The following RSF1 variants were observed in gnomAD, a reference collection of about 807,000 sequenced individuals.
The protein encoded by RSF1 is remodeling and spacing factor 1.
Under a neutral mutation model 145.2 loss-of-function variants are expected in RSF1, and 13 were observed. The ratio of observed to expected loss-of-function variants is 0.09; its 90% CI spans 0.06 to 0.14. RSF1 has a LOEUF of 0.14. RSF1 is among the 10% of genes least tolerant of loss of function. The pLI, the probability that RSF1 is intolerant of heterozygous loss-of-function variation, is 1.00. For synonymous variants in RSF1, 577 were observed against 592.6 expected (o/e 0.97, Z 0.38); for missense variants, 1,517 against 1,718.2 (o/e 0.88, Z 2.07).
intron 4 of RSF1, chr11:77,734,736 C>G (rs1253490521): frequency 1.3e-6 from 2 of 1,489,720 alleles, no homozygotes; most frequent in Non-Finnish European, 1.9e-6. Context: ...TCACATTCAG[C>G]CCGCTCTCCC....
In RSF1 at chr11:77,760,003, T is replaced by TA. The variant is rs1242036406; in HGVS notation, c.279+4594_279+4595insT. On this transcript the variant is annotated intron_variant, in intron 2 of 15. Transcript: ENST00000308488. ...ATAAATTGCTATGGTACAGCCGCTA[T>TA]GGAAAACAGTTTGGCAGGTCCTTAA... Among the ~76,000 whole-genome samples, 3 of 152,312 alleles carry TA rather than the reference T, an allele frequency of 2.0e-5. No individual in the cohort carries two copies. In the East Asian group the frequency reaches 5.8e-4, roughly 29 times the overall value.
chr11:77,814,456 G>GA (rs1340594974), intron 1 of RSF1, among the ~76,000 whole-genome samples: 1 of 151,548 alleles, frequency 6.6e-6, no homozygotes, highest in Admixed American at 6.6e-5. Context: ...CTCTGGGGGG[G>GA]AAAAAAAAGG....
intron 7 of RSF1, among the ~76,000 whole-genome samples, chr11:77,696,147 T>C (rs1405197150): frequency 6.6e-6 from 1 of 152,176 alleles, no homozygotes; most frequent in Admixed American, 6.5e-5. Flanking sequence ...ATAGTTTCTA[T>C]AAAACATAAC....
At chr11:77,815,997 T>G (rs893040760) in intron 1 of RSF1, among the ~76,000 whole-genome samples, 1 of 152,222 alleles carries the variant, frequency 6.6e-6, no homozygotes, top group Admixed American at 6.5e-5. Context: ...CATTACCTCC[T>G]AGTTCCTAGG....
chr11:77,777,010 T>TA (rs1554996605), intron 1 of RSF1, among the ~76,000 whole-genome samples: 150 of 151,978 alleles, frequency 9.9e-4, no homozygotes, highest in South Asian at 6.0e-3. Context: ...AAACCATTTT[T>TA]TAAAAAAACA....
At position 77,764,658 on chromosome 11, in the gene RSF1, C is replaced by A; in HGVS notation, c.219G>T (p.Lys73Asn). The change falls in exon 2 of 16, where the codon AAG becomes AAT. Residue 73 changes from lysine to asparagine, a missense_variant. Physicochemically the swap from Lys to Asn is moderately conservative, Grantham distance 94. Transcript: ENST00000308488. ...VPKELVELHL[K>N]LMRKIGKSVT... Reference sequence around the variant, plus strand: ...CAGATTTGCCAATTTTCCTCATCAGCTTCAAATGGAGCTCCACCAATTCTT... The same window carrying A: ...CAGATTTGCCAATTTTCCTCATCAGATTCAAATGGAGCTCCACCAATTCTT... The A allele has an allele frequency of 6.2e-7, 1 of 1,608,572 alleles. No individual in the cohort carries two copies. Among genetic ancestry groups the A allele is most frequent in the South Asian group, 1.1e-5 (1 of 89,660 alleles).
chr11:77,713,328 T>C (rs1162726551), intron 5 of RSF1, among the ~76,000 whole-genome samples: 1 of 152,182 alleles, frequency 6.6e-6, no homozygotes, highest in Admixed American at 6.5e-5. Flanking sequence ...ATAAAGTCCC[T>C]GGCTGACATT....
Position 77,672,237 on chromosome 11 carries a change from T to C in RSF1, c.3563-7A>G. 1 of 1,575,110 alleles carries C rather than the reference T, an allele frequency of 6.3e-7. No homozygotes were observed. The highest frequency in any genetic ancestry group is 8.6e-7 in the Non-Finnish European group (1 of 1,166,572). ...TCATCACTGAAGTCACTTTCTATTT[T>C]AAAAAAAGGAAGAACAAAGTACAAA... On this transcript the variant is annotated splice_region_variant and splice_polypyrimidine_tract_variant and intron_variant, in intron 14 of 15. Coordinates refer to ENST00000308488, the MANE Select transcript of RSF1 (RefSeq NM_016578.4).
intron 7 of RSF1, among the ~76,000 whole-genome samples, chr11:77,696,864 C>T (rs940399118): frequency 9.9e-5 from 15 of 152,174 alleles, no homozygotes; most frequent in South Asian, 4.1e-4. Flanking sequence ...TTCTCTGGTT[C>T]TATCTTTTAC....
At chr11:77,866,989 T>C in the RSF1 span, among the ~76,000 whole-genome samples, 1 of 152,006 alleles carries the variant, frequency 6.6e-6, no homozygotes, top group East Asian at 1.9e-4. Flanking sequence ...TACAGGCGCA[T>C]GTCACCACAC....
At chr11:77,836,208 A>C in the RSF1 span, among the ~76,000 whole-genome samples, 3 of 152,084 alleles carry the variant, frequency 2.0e-5, no homozygotes, top group African/African-American at 7.2e-5. Flanking sequence ...TTTCTTACTT[A>C]GAAATTGCTG....
At chr11:77,741,551 CATT>C (rs1947939140) in intron 3 of RSF1, among the ~76,000 whole-genome samples, 1 of 147,048 alleles carries the variant, frequency 6.8e-6, no homozygotes, top group African/African-American at 2.5e-5. Flanking sequence ...AAAAATGTTT[CATT>C]TTTTTTTTAC....
At chr11:77,712,426 T>C (rs1220754468) in intron 5 of RSF1, among the ~76,000 whole-genome samples, 1 of 152,218 alleles carries the variant, frequency 6.6e-6, no homozygotes, top group African/African-American at 2.4e-5. Flanking sequence ...CTCAGGTATA[T>C]CTTTATTAGC....
At chr11:77,843,240 C>A in the RSF1 span, among the ~76,000 whole-genome samples, 1 of 152,262 alleles carries the variant, frequency 6.6e-6, no homozygotes, top group Non-Finnish European at 1.5e-5. Context: ...GTGTTGTTCT[C>A]ATTGCGGTTT....
chr11:77,737,997 C>T (rs954809928), intron 4 of RSF1, among the ~76,000 whole-genome samples: 3 of 152,028 alleles, frequency 2.0e-5, no homozygotes, highest in South Asian at 4.2e-4. Flanking sequence ...GGTATGGTGG[C>T]GGGTGCCTGT....
chr11:77,859,582 C>T, the RSF1 span, among the ~76,000 whole-genome samples: 3 of 152,166 alleles, frequency 2.0e-5, no homozygotes, highest in Non-Finnish European at 4.4e-5. Context: ...GCCAGCTGAG[C>T]ACTAGTTCCT....
At chr11:77,863,755 C>G in the RSF1 span, among the ~76,000 whole-genome samples, 84 of 151,812 alleles carry the variant, frequency 5.5e-4, no homozygotes, top group African/African-American at 2.0e-3. Flanking sequence ...CCTCAAGCGA[C>G]CCTCCTGCCT....
chr11:77,856,088 A>G, the RSF1 span, among the ~76,000 whole-genome samples: 1 of 152,144 alleles, frequency 6.6e-6, no homozygotes, highest in Non-Finnish European at 1.5e-5. Context: ...ATTGCACTCC[A>G]GCCTGGGTGA....
intron 9 of RSF1, chr11:77,690,832 C>CTGTCACAGGGCAAAAGT: frequency 3.6e-6 from 1 of 279,864 alleles, no homozygotes; most frequent in Non-Finnish European, 6.7e-6. Context: ...CTCAATGCTG[C>CTGTCACAGGGCAAAAGT]TGTCACAGGG....
Sources: gnomAD v4.1 joint callset for allele counts (sites outside exome capture counted in the v4.1 genomes callset) on GRCh38, gnomAD v4.1.1 for gene constraint, MANE v1.5 for transcripts, NCBI Gene and HGNC (gene_info 2026-07-23, HGNC 2026-07-21) for gene names.